MPP7: variants seen among roughly 807,000 people sequenced by gnomAD.
MPP7 encodes the protein MAGUK p55 scaffold protein 7, also known as MAGUK p55 subfamily member 7.
Under a neutral mutation model 76.5 loss-of-function variants are expected in MPP7, and 60 were observed. That is an observed-to-expected ratio of 0.78 (90% confidence interval 0.64 to 0.97). The LOEUF is 0.97. Ranked by LOEUF, MPP7 falls within the 50% of genes least tolerant of loss-of-function variation. MPP7 has a pLI of 0.00. For missense variants in MPP7, 641 were observed against 694.0 expected, an observed-to-expected ratio of 0.92 and a Z score of 0.86; for synonymous variants, 237 against 244.5, an observed-to-expected ratio of 0.97 and a Z score of 0.29.
chr10:28,123,467 T>C (rs1302530974), intron 8 of MPP7, among the ~76,000 whole-genome samples: 1 of 142,520 alleles, frequency 7.0e-6, no homozygotes, highest in Admixed American at 7.1e-5. Context: ...AAATTCTTTT[T>C]TTTTTTTTTT....
At chr10:28,228,625 G>T (rs1354794690) in intron 2 of MPP7, among the ~76,000 whole-genome samples, 1 of 151,998 alleles carries the variant, frequency 6.6e-6, no homozygotes, top group Non-Finnish European at 1.5e-5. Flanking sequence ...AATTAGCCGG[G>T]TGTGGTGGCA....
chr10:28,304,383 A>G (rs1458542024), upstream of MPP7, among the ~76,000 whole-genome samples: 3 of 152,354 alleles, frequency 2.0e-5, no homozygotes, highest in South Asian at 2.1e-4. Flanking sequence ...ATAGTGAAAA[A>G]TGGAGATAGA....
chr10:28,056,442 G>A (rs1441138479), intron 16 of MPP7, 38 bp downstream of exon 16: 1 of 1,593,054 alleles, frequency 6.3e-7, no homozygotes, highest in Admixed American at 1.8e-5. Flanking sequence ...TACAGGTGTG[G>A]GCCACCACAC....
chr10:28,075,461 C>T (rs1253207868), intron 12 of MPP7, among the ~76,000 whole-genome samples: 12 of 152,092 alleles, frequency 7.9e-5, no homozygotes, highest in Admixed American at 6.6e-4. Flanking sequence ...ATCCTGTGTC[C>T]ACAGTCAAGT....
intron 11 of MPP7, among the ~76,000 whole-genome samples, chr10:28,105,577 A>G (rs1180272668): frequency 6.6e-6 from 1 of 152,144 alleles, no homozygotes; most frequent in Non-Finnish European, 1.5e-5. Flanking sequence ...GCGCGATCTC[A>G]GTTCACCGCA....
chr10:28,149,953 T>C (rs1835825661), intron 4 of MPP7, 29 bp downstream of exon 4: 2 of 1,597,194 alleles, frequency 1.3e-6, no homozygotes, highest in African/African-American at 2.7e-5. Context: ...AGCAGACACA[T>C]CCCAGTGAGC....
chr10:28,178,944 TA>T (rs1485602579), intron 3 of MPP7, among the ~76,000 whole-genome samples: 1 of 152,162 alleles, frequency 6.6e-6, no homozygotes, highest in Non-Finnish European at 1.5e-5. Context: ...GAAATCTCTT[TA>T]AAAGCAAAGG....
chr10:28,310,256 C>T (rs1033045818), intron 2 of MPP7, among the ~76,000 whole-genome samples: 19 of 152,118 alleles, frequency 1.2e-4, no homozygotes, highest in African/African-American at 4.1e-4. Context: ...CCCACATCGG[C>T]CTCCCAAAGT....
chr10:28,082,914 A>T (rs746931379), intron 12 of MPP7, among the ~76,000 whole-genome samples: 23 of 152,226 alleles, frequency 1.5e-4, no homozygotes, highest in Non-Finnish European at 2.6e-4. Flanking sequence ...TTTCTTATTA[A>T]AACCATACTA....
chr10:28,303,750 A>G (rs967359361), upstream of MPP7, among the ~76,000 whole-genome samples: 4 of 152,244 alleles, frequency 2.6e-5, no homozygotes, highest in African/African-American at 9.6e-5. Flanking sequence ...ATTCTTTCAC[A>G]ATAGAAGAAA....
At chr10:28,170,771 C>T (rs1836653752) in intron 3 of MPP7, among the ~76,000 whole-genome samples, 1 of 152,098 alleles carries the variant, frequency 6.6e-6, no homozygotes, top group Admixed American at 6.6e-5. Context: ...GTTCCATTCA[C>T]CACTGAATCT....
At chr10:28,176,819 T>G (rs575093057) in intron 3 of MPP7, among the ~76,000 whole-genome samples, 1 of 138,860 alleles carries the variant, frequency 7.2e-6, no homozygotes, top group Admixed American at 8.1e-5. Context: ...TAGGTGGGAA[T>G]TGAACAATGA....
At chr10:28,292,542 G>A (rs1182932672) in intron 1 of MPP7, among the ~76,000 whole-genome samples, 1 of 152,004 alleles carries the variant, frequency 6.6e-6, no homozygotes, top group Non-Finnish European at 1.5e-5. Flanking sequence ...TGTCACCAGA[G>A]GAGATTTTAA....
intron 1 of MPP7, among the ~76,000 whole-genome samples, chr10:28,273,697 G>A (rs2133048071): frequency 6.6e-6 from 1 of 152,312 alleles, no homozygotes; most frequent in Admixed American, 6.5e-5. Context: ...CAAACACGAT[G>A]AAAGAATTTC....
chr10:28,105,798 G>A (rs571709063), intron 11 of MPP7, among the ~76,000 whole-genome samples: 2 of 152,286 alleles, frequency 1.3e-5, no homozygotes, highest in Non-Finnish European at 1.5e-5. Flanking sequence ...ACAGGCATGA[G>A]TCACCACGCT....
intron 2 of MPP7, among the ~76,000 whole-genome samples, chr10:28,207,697 G>GA (rs1169352320): frequency 2.1e-3 from 254 of 121,676 alleles, no homozygotes; most frequent in African/African-American, 6.3e-3. Flanking sequence ...ATCTCAAAAA[G>GA]AAAAAAAAAA....
At chr10:28,200,374 G>A (rs553220524) in intron 3 of MPP7, among the ~76,000 whole-genome samples, 1 of 152,240 alleles carries the variant, frequency 6.6e-6, no homozygotes, top group African/African-American at 2.4e-5. Flanking sequence ...GCAATTACTG[G>A]AAAACATTTA....
chr10:28,066,774 C>A (rs1243446722), intron 13 of MPP7, among the ~76,000 whole-genome samples: 1 of 152,190 alleles, frequency 6.6e-6, no homozygotes, highest in Non-Finnish European at 1.5e-5. Context: ...CTGCCTCATT[C>A]ATTCTCTTGT....
chr10:28,254,924 T>C (rs573287078), intron 1 of MPP7: 1 of 152,102 alleles, frequency 6.6e-6, no homozygotes, highest in Non-Finnish European at 1.5e-5. Context: ...ATGGACATAA[T>C]CGCTACAGAC....
Sources: gnomAD v4.1 joint callset for allele counts (sites outside exome capture counted in the v4.1 genomes callset) on GRCh38, gnomAD v4.1.1 for gene constraint, MANE v1.5 for transcripts, NCBI Gene and HGNC (gene_info 2026-07-23, HGNC 2026-07-21) for gene names.